The following CAMK1 variants were observed in gnomAD, a reference collection of about 807,000 sequenced individuals.
The protein encoded by CAMK1 is calcium/calmodulin-dependent protein kinase type 1.
Under a neutral mutation model 49.1 loss-of-function variants are expected in CAMK1, and 39 were observed. The ratio of observed to expected loss-of-function variants is 0.79; its 90% CI spans 0.62 to 1.04. The LOEUF is 1.04. CAMK1 is among the 50% of genes least tolerant of loss of function. The pLI is 0.00. For missense variants in CAMK1, 457 were observed against 472.2 expected (o/e 0.97, Z 0.30); for synonymous variants, 192 against 185.2 (o/e 1.04, Z -0.30).
intron 5 of CAMK1, chr3:9,761,993 C>T (rs781404028): frequency 1.0e-5 from 5 of 486,850 alleles, no homozygotes; most frequent in African/African-American, 3.9e-5. Context: ...CACTGTAAAG[C>T]CCTAAAGGAA....
chr3:9,763,924 T>C (rs953150848), intron 3 of CAMK1, among the ~76,000 whole-genome samples: 1 of 152,024 alleles, frequency 6.6e-6, no homozygotes, highest in Non-Finnish European at 1.5e-5. Context: ...AAACGGAGGT[T>C]GCAGTGAGTC....
intron 7 of CAMK1, 76 bp from the exon 8 acceptor site, chr3:9,760,844 CAG>C (rs1367673562): frequency 2.9e-5 from 47 of 1,595,614 alleles, no homozygotes; most frequent in African/African-American, 1.2e-4. Flanking sequence ...GGGGCAGTCT[CAG>C]GGGTCAGGCA....
intron 7 of CAMK1, 105 bp downstream of exon 7, chr3:9,761,356 G>T: frequency 8.8e-7 from 1 of 1,137,002 alleles, no homozygotes; most frequent in Non-Finnish European, 1.3e-6. Context: ...GGAAGGGAGG[G>T]AGGGAAGGAA....
rs767787016 is a variant in CAMK1, at chr3:9,763,066, T to C, written c.291-14A>G. 1 of 1,613,988 alleles carries C rather than the reference T, an allele frequency of 6.2e-7. No homozygotes were observed. The highest frequency in any genetic ancestry group is 1.7e-5 in the Admixed American group (1 of 59,988). ...CCACCCGACACCCTGCAGCAGGGGA[T>C]AGGGCAGTCTGGCAAAGAGGGTTGG... On this transcript the variant is annotated splice_polypyrimidine_tract_variant and intron_variant, in intron 4 of 11. Transcript: ENST00000256460.
Position 9,767,797 on chromosome 3 carries a change from AAGG to A in CAMK1, c.-32-19_-32-17del, listed in dbSNP as rs1401010862. 7 of 1,610,534 alleles carry A rather than the reference AAGG, an allele frequency of 4.3e-6. No homozygotes were observed. Among genetic ancestry groups the A allele is most frequent in the Non-Finnish European group, 3.4e-6 (4 of 1,178,538 alleles). On this transcript the variant is annotated splice_polypyrimidine_tract_variant and intron_variant, in intron 1 of 11. Coordinates refer to ENST00000256460, the MANE Select transcript of CAMK1 (RefSeq NM_003656.5). ...GCCAGGGCTCCTGTAAGGAGAATGGAAGGAGGAGACTCAGCAGAGCCCAGCCCT... is the reference window on the plus strand; with the variant it reads ...GCCAGGGCTCCTGTAAGGAGAATGGAAGGAGACTCAGCAGAGCCCAGCCCT...
chr3:9,766,097 A>G (rs2125594295), intron 2 of CAMK1: 1 of 1,482,630 alleles, frequency 6.7e-7, no homozygotes, highest in Middle Eastern at 1.7e-4. Context: ...GGCCACAGTA[A>G]TTGGTCATGT....
chr3:9,761,621 C>T lies in CAMK1; in HGVS notation c.556+10G>A, dbSNP rs188672077. The stretch of plus-strand genomic sequence containing the variant: ...CCACCATCACAGCCCCAGCCCAGGG[C>T]CCTCCGCACCCACGTATCCCGGAGT... On this transcript the variant is annotated intron_variant, in intron 6 of 11. Coordinates refer to ENST00000256460, the MANE Select transcript of CAMK1 (RefSeq NM_003656.5). 1.6e-4 allele frequency: 261 copies of T among 1,614,144 alleles called. No individual in the cohort carries two copies. Among genetic ancestry groups the T allele is most frequent in the Non-Finnish European group, 2.0e-4 (231 of 1,179,994 alleles).
chr3:9,768,211 C>T (rs1056997109), intron 1 of CAMK1, among the ~76,000 whole-genome samples: 2 of 152,222 alleles, frequency 1.3e-5, no homozygotes, highest in Non-Finnish European at 2.9e-5. Context: ...CCTTTCCCTC[C>T]TCCTTCCCCC....
rs1559695195 is a variant in CAMK1, at chr3:9,759,750, G to A, written c.746C>T (p.Ala249Val). The A allele has an allele frequency of 6.2e-7, 1 of 1,614,000 alleles. No homozygotes were observed. Among genetic ancestry groups the A allele is most frequent in the Non-Finnish European group, 8.5e-7 (1 of 1,180,008 alleles). ...CATCAAGTGCCGGATGAAATCTTTG[G>A]CTAAACCCCCAAGACAAAAGCAAAG... is the stretch of plus-strand genomic sequence containing the variant. Reference protein sequence around the residue: ...SPYWDDISDSAKDFIRHLMEK... With the variant: ...SPYWDDISDSVKDFIRHLMEK... Residue 249 changes from alanine to valine, a missense_variant and splice_region_variant, in exon 9 of 12, where the codon GCC (alanine) becomes GTC (valine). By Grantham distance (64) the Ala-to-Val change is moderately conservative. Coordinates refer to ENST00000256460, the MANE Select transcript of CAMK1 (RefSeq NM_003656.5).
At position 9,759,478 on chromosome 3, in the gene CAMK1, A is replaced by G. The variant is rs1461321487; in HGVS notation, c.912+10T>C. On this transcript the variant is annotated intron_variant, in intron 10 of 11. Transcript: ENST00000256460. ...GGAGGCTGGGACCAGAACTAGGGAT[A>G]TGGACTCACCTTCCACTTGCTCTTG... The G allele has an allele frequency of 1.9e-6, 3 of 1,614,160 alleles. No homozygotes were observed. The highest frequency in any genetic ancestry group is 2.5e-6 in the Non-Finnish European group (3 of 1,180,028).
chr3:9,758,198 A>G, intron 10 of CAMK1: 1 of 174,344 alleles, frequency 5.7e-6, no homozygotes, highest in Non-Finnish European at 1.2e-5. Context: ...GGTAGGTACT[A>G]TTATCATTTT....
At position 9,767,683 on chromosome 3, in the gene CAMK1, G is replaced by A. The variant is rs771056998; in HGVS notation, c.67C>T (p.Arg23Ter). 9 of 1,614,082 alleles carry A rather than the reference G, an allele frequency of 5.6e-6. No individual in the cohort carries two copies. Among genetic ancestry groups the A allele is most frequent in the Admixed American group, 3.3e-5 (2 of 60,018 alleles). ...TGGACTCACGTGCCCAGAACATCTC[G>A]GAAGTCGTAGATGTCTCTAATGTCC... ...AEDIRDIYDFRDVLGTGAFSE... is the reference protein window; with the variant it reads ...AEDIRDIYDF Residue 23 changes from arginine (R) to a stop codon, truncating the protein, a stop_gained, in exon 2 of 12, where the codon CGA becomes TGA. Transcript: ENST00000256460. LOFTEE classifies it high-confidence loss of function.
chr3:9,758,783 C>T, intron 10 of CAMK1: 1 of 247,606 alleles, frequency 4.0e-6, no homozygotes, highest in Non-Finnish European at 8.0e-6. Context: ...GCACGCACCA[C>T]CATGTGTGGC....
chr3:9,765,895 C>T lies in CAMK1; in HGVS notation c.84-5G>A, dbSNP rs150915328. 100 of 1,613,962 alleles carry T rather than the reference C, an allele frequency of 6.2e-5. No homozygotes were observed. Among genetic ancestry groups the T allele is most frequent in the Non-Finnish European group, 7.7e-5 (91 of 1,180,006 alleles). On this transcript the variant is annotated splice_polypyrimidine_tract_variant and splice_region_variant and intron_variant, in intron 2 of 11. Transcript: ENST00000256460. The stretch of plus-strand genomic sequence containing the variant: ...ATCACCTCCGAGAAGGCCCCCCTAT[C>T]GGGAGAGGGGATTCACAAGGTGAAG...
intron 7 of CAMK1, 74 bp downstream of exon 7, chr3:9,761,387 G>GAGGA: frequency 6.8e-7 from 1 of 1,475,848 alleles, no homozygotes; most frequent in Non-Finnish European, 9.2e-7. Context: ...AGGGAGAGCA[G>GAGGA]AGGAAGGAAG....
chr3:9,763,335 G>A (rs1190710467), intron 3 of CAMK1, 122 bp from the exon 4 acceptor site: 1 of 1,176,406 alleles, frequency 8.5e-7, no homozygotes, highest in Admixed American at 2.0e-5. Context: ...CAAAGCTGCA[G>A]TCTGTTATGA....
chr3:9,761,913 G>A, intron 5 of CAMK1, 156 bp from the exon 6 acceptor site: 3 of 1,184,690 alleles, frequency 2.5e-6, no homozygotes, highest in Non-Finnish European at 3.4e-6. Flanking sequence ...CTCTCAAGAA[G>A]GCCAAAAATT....
rs1288826075 is a variant in CAMK1 at position 9,757,509 on chromosome 3, G to A, written c.*30C>T. The A allele has an allele frequency of 1.9e-6, 3 of 1,607,306 alleles. No individual in the cohort carries two copies. Among genetic ancestry groups the A allele is most frequent in the African/African-American group, 2.7e-5 (2 of 74,962 alleles). On this transcript the variant is annotated 3_prime_UTR_variant, in exon 12 of 12. Transcript: ENST00000256460. This position sits in a 1 kb window ranked among gnomAD's most constrained non-coding sequence, Gnocchi z 4.5. ...GCAGGCTGCCCCCAAGCCCTCCCAC[G>A]CAGAGGATCATGACCCGAGGTCCAG...
intron 10 of CAMK1, 97 bp downstream of exon 10, chr3:9,759,391 G>A: frequency 6.4e-7 from 1 of 1,571,046 alleles, no homozygotes. Flanking sequence ...GTTACTGTGT[G>A]CCCAGTGTGA....
Sources: gnomAD v4.1 joint callset for allele counts (sites outside exome capture counted in the v4.1 genomes callset) on GRCh38, gnomAD v4.1.1 for gene constraint, Gnocchi (gnomAD v3.1) non-coding constraint, MANE v1.5 for transcripts, NCBI Gene and HGNC (gene_info 2026-07-23, HGNC 2026-07-21) for gene names.